The following CALCRL variants were observed in gnomAD, a reference collection of about 807,000 sequenced individuals.
CALCRL encodes the protein calcitonin receptor like receptor.
CALCRL carries 27 observed loss-of-function variants against 60.4 expected under a neutral mutation model. The ratio of observed to expected loss-of-function variants is 0.45; its 90% confidence interval spans 0.33 to 0.62. CALCRL has a LOEUF of 0.62. Ranked by LOEUF, CALCRL falls within the 20% of genes least tolerant of loss-of-function variation. The pLI is 0.03. For synonymous variants in CALCRL, 190 were observed against 182.6 expected, an observed-to-expected ratio of 1.04 and a Z score of -0.33; for missense variants, 424 against 540.7, an observed-to-expected ratio of 0.78 and a Z score of 2.14.
At chr2:187,356,843 G>T (rs1202789690) in intron 12 of CALCRL, among the ~76,000 whole-genome samples, 1 of 152,224 alleles carries the variant, frequency 6.6e-6, no homozygotes, top group Non-Finnish European at 1.5e-5. Context: ...GTGGGCAAAT[G>T]ATATGAACAG....
chr2:187,402,851 C>T (rs1256093077), intron 1 of CALCRL, among the ~76,000 whole-genome samples: 1 of 151,532 alleles, frequency 6.6e-6, no homozygotes, highest in African/African-American at 2.4e-5. Context: ...TGCAGTAGAG[C>T]CATATGACAA....
intron 1 of CALCRL, among the ~76,000 whole-genome samples, chr2:187,428,057 C>G (rs1690228058): frequency 6.6e-6 from 1 of 152,134 alleles, no homozygotes; most frequent in African/African-American, 2.4e-5. Flanking sequence ...CAACTATATA[C>G]ACTAAAGAAG....
At chr2:187,416,016 T>C (rs974642739) in intron 1 of CALCRL, among the ~76,000 whole-genome samples, 11 of 152,148 alleles carry the variant, frequency 7.2e-5, no homozygotes, top group African/African-American at 2.2e-4. Context: ...GACCTCGTCA[T>C]GTACCATCAA....
Position 187,342,780 on chromosome 2 carries a change from ATT to A in CALCRL, c.*3402_*3403del, listed in dbSNP as rs1277234619. 6.6e-6 allele frequency among the ~76,000 whole-genome samples: 1 copy of A among 151,620 alleles called. No individual in the cohort carries two copies. The highest frequency in any genetic ancestry group is 1.9e-4 in the East Asian group (1 of 5,200). ...ATAAATTTATTTCAACATTTTTAAT[ATT>A]CTCATATAGTGTGATATTTTGAATT... On this transcript the variant is annotated 3_prime_UTR_variant, in exon 15 of 15. Coordinates refer to ENST00000392370, the MANE Select transcript of CALCRL (RefSeq NM_005795.6).
At position 187,342,281 on chromosome 2, in the gene CALCRL, T is replaced by A. The variant is rs1363043677; in HGVS notation, c.*3903A>T. ...GAGAAGTGATGGCTAAAGGATACAC[T>A]GTTTCTTCTCAAGGTCATAAAAATG... On this transcript the variant is annotated 3_prime_UTR_variant, in exon 15 of 15. Coordinates refer to ENST00000392370, the MANE Select transcript of CALCRL (RefSeq NM_005795.6). Among the ~76,000 whole-genome samples, 1 of 151,764 alleles carries A rather than the reference T, an allele frequency of 6.6e-6. No individual in the cohort carries two copies. The highest frequency in any genetic ancestry group is 1.9e-4 in the East Asian group (1 of 5,188).
chr2:187,385,717 CTA>C lies in CALCRL; in HGVS notation c.-36-88_-36-87del, dbSNP rs146942267. On this transcript the variant is annotated intron_variant, in intron 3 of 14. Coordinates refer to ENST00000392370, the MANE Select transcript of CALCRL (RefSeq NM_005795.6). The stretch of plus-strand genomic sequence containing the variant: ...TCTCAACAGAAAATTTATTTTAAAA[CTA>C]CACAATAATTCAATAATTTTACTTT... The C allele has an allele frequency of 4.1e-3, 2,883 of 704,648 alleles. 59 individuals are homozygous for C. In the African/African-American group the frequency reaches 0.044, roughly 11 times the overall value. 43.6% of individuals were successfully genotyped at this position (704,648 alleles called of 1,614,324 possible).
intron 1 of CALCRL, among the ~76,000 whole-genome samples, chr2:187,411,995 A>G (rs796556593): frequency 1.3e-5 from 2 of 151,272 alleles, no homozygotes; most frequent in African/African-American, 4.9e-5. Context: ...AAAAAAAAAA[A>G]AAAAAAGAAT....
At chr2:187,442,266 G>T (rs1690956023) in intron 1 of CALCRL, among the ~76,000 whole-genome samples, 1 of 150,668 alleles carries the variant, frequency 6.6e-6, no homozygotes. Context: ...TGCAACATGG[G>T]TGTTTAAACT....
chr2:187,442,159 C>CAT (rs1559081720), intron 1 of CALCRL: 8 of 147,690 alleles, frequency 5.4e-5, no homozygotes, highest in Non-Finnish European at 1.2e-4. Context: ...CATACACACA[C>CAT]ATATATACGC....
At chr2:187,392,082 C>T (rs1380990746) in intron 1 of CALCRL, among the ~76,000 whole-genome samples, 3 of 152,080 alleles carry the variant, frequency 2.0e-5, no homozygotes, top group African/African-American at 7.2e-5. Flanking sequence ...GCACCAGTGC[C>T]TTGCAAGCCT....
intron 1 of CALCRL, among the ~76,000 whole-genome samples, chr2:187,414,626 C>G (rs1689518509): frequency 6.6e-6 from 1 of 152,078 alleles, no homozygotes; most frequent in Non-Finnish European, 1.5e-5. Context: ...GACTGGCATC[C>G]TATTCATGAT....
Position 187,438,051 on chromosome 2 carries a change from G to C in CALCRL, c.-293+9988C>G, listed in dbSNP as rs1574328090. Among the ~76,000 whole-genome samples the C allele has an allele frequency of 3.9e-5, 6 of 152,076 alleles. No homozygotes were observed. The South Asian group carries it at 1.2e-3, about 32-fold the overall frequency. On this transcript the variant is annotated intron_variant, in intron 1 of 14. Transcript: ENST00000392370. ...CATACATATTTGAACTCAGAAGAAA[G>C]AAAACCTTAATAGTGACATTTCTGG...
At chr2:187,430,894 T>C (rs1690375200) in intron 1 of CALCRL, among the ~76,000 whole-genome samples, 1 of 152,046 alleles carries the variant, frequency 6.6e-6, no homozygotes, top group African/African-American at 2.4e-5. Flanking sequence ...TATATATCCA[T>C]ATAATTATGG....
At chr2:187,356,979 T>C (rs968381358) in intron 12 of CALCRL, among the ~76,000 whole-genome samples, 2 of 152,012 alleles carry the variant, frequency 1.3e-5, no homozygotes, top group Non-Finnish European at 2.9e-5. Context: ...GTTAGAATGG[T>C]GATCATTAAA....
At chr2:187,352,074 C>T in intron 13 of CALCRL, 40 bp downstream of exon 13, 2 of 1,587,088 alleles carry the variant, frequency 1.3e-6, no homozygotes, top group African/African-American at 2.7e-5. Flanking sequence ...ATATTTAATT[C>T]CAAACTTCTC....
At chr2:187,366,106 G>A (rs1475746047) in intron 8 of CALCRL, among the ~76,000 whole-genome samples, 2 of 150,874 alleles carry the variant, frequency 1.3e-5, no homozygotes, top group Non-Finnish European at 3.0e-5. Flanking sequence ...AGCCGGGCGC[G>A]GTGGCGGGCG....
At chr2:187,439,500 A>C (rs1690798407) in intron 1 of CALCRL, among the ~76,000 whole-genome samples, 1 of 152,120 alleles carries the variant, frequency 6.6e-6, no homozygotes, top group Non-Finnish European at 1.5e-5. Flanking sequence ...CAAACAAACA[A>C]ACAAAAAACC....
intron 1 of CALCRL, among the ~76,000 whole-genome samples, chr2:187,391,954 G>A (rs1197842357): frequency 1.3e-5 from 2 of 151,846 alleles, no homozygotes; most frequent in Non-Finnish European, 2.9e-5. Context: ...AATTTTAAGA[G>A]GGCAATCTTC....
intron 1 of CALCRL, among the ~76,000 whole-genome samples, chr2:187,434,966 G>T (rs1339272065): frequency 6.6e-6 from 1 of 152,184 alleles, no homozygotes; most frequent in Non-Finnish European, 1.5e-5. Flanking sequence ...ACAAGGAAAT[G>T]ATTAGTACAA....
Sources: allele counts gnomAD v4.1 joint callset (sites outside exome capture counted in the v4.1 genomes callset), GRCh38; gene constraint gnomAD v4.1.1; transcripts MANE v1.5; gene names NCBI Gene and HGNC (gene_info 2026-07-23, HGNC 2026-07-21).